Variants in DOCK2 observed in about 807,000 individuals in gnomAD.
DOCK2 encodes dedicator of cytokinesis protein 2.
Under a neutral mutation model 248.9 loss-of-function variants are expected in DOCK2, and 87 were observed. The observed-to-expected ratio is 0.35, with a 90% CI of 0.29 to 0.42. DOCK2 has a LOEUF of 0.42. DOCK2 is among the 10% of genes least tolerant of loss of function. The pLI is 1.00. For missense variants in DOCK2, 1,747 were observed against 2,300.2 expected (o/e 0.76, Z 4.92); for synonymous variants, 805 against 821.6 (o/e 0.98, Z 0.35).
chr5:169,811,785 C>G (rs1767776272), intron 26 of DOCK2, among the ~76,000 whole-genome samples: 2 of 152,178 alleles, frequency 1.3e-5, no homozygotes, highest in South Asian at 4.1e-4. Context: ...GGCTAGGTGA[C>G]ATTCCCAACT....
intron 27 of DOCK2, among the ~76,000 whole-genome samples, chr5:169,843,698 A>G (rs980865023): frequency 3.9e-5 from 6 of 152,176 alleles, no homozygotes; most frequent in Non-Finnish European, 7.4e-5. Flanking sequence ...TTCCATTTGC[A>G]GTCACTTTCT....
At chr5:170,064,365 A>T (rs1161351945) in intron 44 of DOCK2, among the ~76,000 whole-genome samples, 1 of 152,278 alleles carries the variant, frequency 6.6e-6, no homozygotes, top group East Asian at 1.9e-4. Flanking sequence ...CTCACCAAGG[A>T]CAGGAGAGCA....
intron 27 of DOCK2, among the ~76,000 whole-genome samples, chr5:169,954,925 A>C (rs1221417415): frequency 6.6e-6 from 1 of 152,202 alleles, no homozygotes; most frequent in Admixed American, 6.5e-5. Flanking sequence ...AGACGTTTTC[A>C]CCAGCTGTTA....
At chr5:169,736,569 G>A (rs1054181777) in intron 22 of DOCK2, among the ~76,000 whole-genome samples, 3 of 152,132 alleles carry the variant, frequency 2.0e-5, no homozygotes, top group Admixed American at 2.0e-4. Flanking sequence ...TTTCTACCTG[G>A]GCTTTTGTCA....
intron 30 of DOCK2, among the ~76,000 whole-genome samples, chr5:170,005,921 G>A (rs1251696251): frequency 1.3e-5 from 2 of 152,090 alleles, no homozygotes; most frequent in African/African-American, 2.4e-5. Context: ...TGCTTTGTTG[G>A]ATACCTATTT....
At chr5:169,773,982 G>T (rs1765243153) in intron 25 of DOCK2, among the ~76,000 whole-genome samples, 1 of 152,138 alleles carries the variant, frequency 6.6e-6, no homozygotes, top group South Asian at 2.1e-4. Context: ...TAGCCACATA[G>T]AACTGAGTCC....
At chr5:169,934,752 C>G (rs756382432) in intron 27 of DOCK2, 2 of 455,710 alleles carry the variant, frequency 4.4e-6, no homozygotes, top group Non-Finnish European at 8.8e-6. Flanking sequence ...GGGATCAGTG[C>G]TCAGTAAATG....
intron 27 of DOCK2, among the ~76,000 whole-genome samples, chr5:169,972,067 C>T (rs1184111473): frequency 6.6e-6 from 1 of 152,232 alleles, no homozygotes; most frequent in Non-Finnish European, 1.5e-5. Flanking sequence ...CCCAGACAGT[C>T]ACTACCAATC....
intron 27 of DOCK2, among the ~76,000 whole-genome samples, chr5:169,900,841 G>T (rs1266587326): frequency 6.6e-6 from 1 of 152,088 alleles, no homozygotes. Flanking sequence ...GATATAGCCT[G>T]CCTGGAATTG....
intron 32 of DOCK2, among the ~76,000 whole-genome samples, chr5:170,015,968 C>A (rs1252208914): frequency 6.6e-6 from 1 of 151,838 alleles, no homozygotes; most frequent in Non-Finnish European, 1.5e-5. Flanking sequence ...AAGGTCATCT[C>A]CTCAGTGCCC....
intron 33 of DOCK2, among the ~76,000 whole-genome samples, chr5:170,026,344 A>G (rs543863888): frequency 6.6e-6 from 1 of 152,298 alleles, no homozygotes; most frequent in East Asian, 1.9e-4. Context: ...ATCCGTAATA[A>G]TAACTGACAC....
At chr5:169,662,363 C>A (rs1262823051) in intron 2 of DOCK2, among the ~76,000 whole-genome samples, 1 of 152,100 alleles carries the variant, frequency 6.6e-6, no homozygotes, top group Non-Finnish European at 1.5e-5. Context: ...TTGATATTAA[C>A]CCCTTATCAG....
At chr5:169,821,225 C>T (rs1451349225) in intron 26 of DOCK2, among the ~76,000 whole-genome samples, 1 of 152,142 alleles carries the variant, frequency 6.6e-6, no homozygotes, top group Non-Finnish European at 1.5e-5. Flanking sequence ...ACTTCCCCAA[C>T]CTAGCAAGGC....
At chr5:169,699,523 A>G (rs1760835436) in intron 12 of DOCK2, 65 bp downstream of exon 12, 2 of 1,478,222 alleles carry the variant, frequency 1.4e-6, no homozygotes, top group Non-Finnish European at 1.9e-6. Flanking sequence ...CTCTTCAGCA[A>G]ATGAATCAAA....
chr5:169,804,085 T>G (rs1245842440), intron 26 of DOCK2, among the ~76,000 whole-genome samples: 1 of 152,160 alleles, frequency 6.6e-6, no homozygotes, highest in African/African-American at 2.4e-5. Flanking sequence ...TTCTCTCTCC[T>G]CCCTAGAACA....
At chr5:170,031,910 G>C (rs13158976) in intron 34 of DOCK2, among the ~76,000 whole-genome samples, 2 of 152,098 alleles carry the variant, frequency 1.3e-5, no homozygotes, top group African/African-American at 4.8e-5. Context: ...GAGATTGTTA[G>C]TAAGGCAGCT....
chr5:169,858,525 G>T (rs995311877), intron 27 of DOCK2, among the ~76,000 whole-genome samples: 1 of 152,204 alleles, frequency 6.6e-6, no homozygotes, highest in Non-Finnish European at 1.5e-5. Context: ...GGAAGGGCCT[G>T]TGGTGGGAGC....
At chr5:169,882,543 A>T (rs1247747565) in intron 27 of DOCK2, 1 of 1,521,370 alleles carries the variant, frequency 6.6e-7, no homozygotes, top group Middle Eastern at 1.7e-4. Flanking sequence ...TGAAAAAAAA[A>T]TCTCCTTACC....
At chr5:169,893,905 G>A (rs976033692) in intron 27 of DOCK2, among the ~76,000 whole-genome samples, 1 of 152,150 alleles carries the variant, frequency 6.6e-6, no homozygotes, top group African/African-American at 2.4e-5. Context: ...TGGTTTTGTG[G>A]TACTTGGAAA....
Sources: gnomAD v4.1 joint callset for allele counts (sites outside exome capture counted in the v4.1 genomes callset) on GRCh38, gnomAD v4.1.1 for gene constraint, MANE v1.5 for transcripts, NCBI Gene and HGNC (gene_info 2026-07-23, HGNC 2026-07-21) for gene names.